YES1: variants seen among roughly 807,000 people sequenced by gnomAD.
The protein encoded by YES1 is YES proto-oncogene 1, Src family tyrosine kinase, also known as tyrosine-protein kinase Yes.
A neutral mutation model predicts 70.4 loss-of-function variants in YES1; 39 were observed. The ratio of observed to expected loss-of-function variants is 0.55; its 90% CI spans 0.43 to 0.72. The LOEUF is 0.72. YES1 is among the 30% of genes least tolerant of loss of function. YES1 has a pLI of 0.00. For synonymous variants in YES1, 198 were observed against 218.6 expected, an observed-to-expected ratio of 0.91 and a Z score of 0.83; for missense variants, 495 against 644.8, an observed-to-expected ratio of 0.77 and a Z score of 2.52.
intron 1 of YES1, chr18:774,998 T>C (rs980551757): frequency 1.3e-5 from 2 of 152,160 alleles, no homozygotes; most frequent in African/African-American, 4.8e-5. Flanking sequence ...GGCAGAACAG[T>C]TAAGAGCATA....
chr18:762,268 C>T (rs374515886), intron 1 of YES1, among the ~76,000 whole-genome samples: 5 of 152,170 alleles, frequency 3.3e-5, no homozygotes, highest in Admixed American at 6.5e-5. Context: ...TGCGGTGAGC[C>T]GAGATTGCGT....
At chr18:779,174 G>C (rs1173286044) in intron 1 of YES1, among the ~76,000 whole-genome samples, 1 of 152,032 alleles carries the variant, frequency 6.6e-6, no homozygotes, top group African/African-American at 2.4e-5. Context: ...GGCTGAGGTG[G>C]GAGAATCACT....
chr18:797,306 T>C (rs1318999631), intron 1 of YES1, among the ~76,000 whole-genome samples: 4 of 151,888 alleles, frequency 2.6e-5, no homozygotes, highest in Non-Finnish European at 5.9e-5. Context: ...ATAACAAAAA[T>C]AAAACAATGT....
chr18:743,144 GACCAA>G (rs2080234853), intron 7 of YES1, 47 bp from the exon 8 acceptor site: 8 of 1,547,724 alleles, frequency 5.2e-6, no homozygotes, highest in Non-Finnish European at 7.0e-6. Context: ...AAGGATTTTA[GACCAA>G]ACTTCAGTGA....
rs72204539 is a variant in YES1 at position 795,912 on chromosome 18, A to AACACAC, written c.-9+16196_-9+16201dup. On this transcript the variant is annotated intron_variant, in intron 1 of 11. Transcript: ENST00000314574. Reference sequence around the variant, plus strand: ...TTCAGCACATGTATCCCAGAACTTAAACACACACACACACACACACACACA... The same window carrying AACACAC: ...TTCAGCACATGTATCCCAGAACTTAAACACACACACACACACACACACACACACACA... Among the ~76,000 whole-genome samples the AACACAC allele has an allele frequency of 2.4e-3, 344 of 144,692 alleles. 4 individuals carry two copies. Among genetic ancestry groups the AACACAC allele is most frequent in the South Asian group, 0.014 (65 of 4,556 alleles). The allele number at this position is 144,692 out of a possible 152,430, so 94.9% of individuals were successfully genotyped here. A position where few individuals can be genotyped will look rare whatever the true frequency, so the allele number is the denominator to read the frequency against.
intron 11 of YES1, among the ~76,000 whole-genome samples, chr18:725,964 A>G (rs2080013809): frequency 2.0e-5 from 3 of 152,196 alleles, no homozygotes; most frequent in Admixed American, 2.0e-4. Context: ...GGAGAAAAGG[A>G]GTAAGGGAAT....
At chr18:747,840 T>C (rs2080298227) in intron 4 of YES1, 80 bp downstream of exon 4, 27 of 1,302,212 alleles carry the variant, frequency 2.1e-5, no homozygotes, top group Non-Finnish European at 2.8e-5. Context: ...TCTGTGTGTG[T>C]AAAGTTGTGG....
At chr18:795,006 A>G (rs1409141907) in intron 1 of YES1, among the ~76,000 whole-genome samples, 1 of 152,014 alleles carries the variant, frequency 6.6e-6, no homozygotes, top group East Asian at 1.9e-4. Flanking sequence ...AGTATAGACA[A>G]GGTTTCACCC....
intron 1 of YES1, among the ~76,000 whole-genome samples, chr18:783,669 T>A (rs903763127): frequency 1.3e-5 from 2 of 151,242 alleles, no homozygotes; most frequent in South Asian, 4.2e-4. Context: ...CAGGCTGGAG[T>A]GCAATGGTGC....
At chr18:808,430 T>C (rs1044295341) in intron 1 of YES1, among the ~76,000 whole-genome samples, 4 of 152,160 alleles carry the variant, frequency 2.6e-5, no homozygotes, top group South Asian at 2.1e-4. Flanking sequence ...TACCCTACCA[T>C]AGCCATACAC....
intron 11 of YES1, among the ~76,000 whole-genome samples, chr18:727,595 C>CTCT (rs71174278): frequency 0.6 from 91,137 of 151,452 alleles, 27,688 homozygotes; most frequent in East Asian, 0.71. Context: ...TTTTTGTCTT[C>CTCT]TCTTGTTATT....
chr18:761,120 G>A (rs1458756770), intron 1 of YES1, among the ~76,000 whole-genome samples: 1 of 151,726 alleles, frequency 6.6e-6, no homozygotes, highest in Non-Finnish European at 1.5e-5. Context: ...ATATACTTAA[G>A]CCTGAAGGCA....
chr18:744,394 C>CT (rs397723072), intron 6 of YES1, among the ~76,000 whole-genome samples: 67,392 of 143,284 alleles, frequency 0.47, 15,743 homozygotes, highest in African/African-American at 0.54. Context: ...GAGATTTTTT[C>CT]TTTTTTTTTT....
intron 11 of YES1, among the ~76,000 whole-genome samples, chr18:725,805 G>T (rs1410088282): frequency 6.6e-6 from 1 of 152,188 alleles, no homozygotes; most frequent in Non-Finnish European, 1.5e-5. Flanking sequence ...AGAATCACTT[G>T]AACGGGAGGC....
intron 6 of YES1, among the ~76,000 whole-genome samples, chr18:745,244 T>C (rs929427445): frequency 2.0e-5 from 3 of 152,188 alleles, no homozygotes; most frequent in Admixed American, 6.5e-5. Context: ...ATAATTGCTA[T>C]AGGTTAATTT....
At chr18:769,590 GC>G (rs1430302110) in intron 1 of YES1, among the ~76,000 whole-genome samples, 3 of 152,264 alleles carry the variant, frequency 2.0e-5, no homozygotes, top group Admixed American at 1.3e-4. Flanking sequence ...ATAAGGCCAA[GC>G]AAAGTTCCCT....
intron 10 of YES1, among the ~76,000 whole-genome samples, chr18:734,451 C>T (rs1047068360): frequency 3.4e-5 from 5 of 147,982 alleles, no homozygotes; most frequent in African/African-American, 1.3e-4. Context: ...CCCAGCTACT[C>T]GGGAGGCTTA....
At chr18:771,535 T>C (rs953726187) in intron 1 of YES1, among the ~76,000 whole-genome samples, 4 of 152,228 alleles carry the variant, frequency 2.6e-5, no homozygotes, top group African/African-American at 9.6e-5. Flanking sequence ...CGTGGCATTT[T>C]TCTTTTACAT....
intron 11 of YES1, 83 bp from the exon 12 acceptor site, chr18:724,715 C>T (rs1373911566): frequency 9.7e-7 from 1 of 1,034,532 alleles, no homozygotes; most frequent in Non-Finnish European, 1.5e-6. Context: ...GCCACTAACT[C>T]ATTCAAAGTA....
Sources: gnomAD v4.1 joint callset for allele counts (sites outside exome capture counted in the v4.1 genomes callset) on GRCh38, gnomAD v4.1.1 for gene constraint, MANE v1.5 for transcripts, NCBI Gene and HGNC (gene_info 2026-07-23, HGNC 2026-07-21) for gene names.